ADSS2: variants seen among roughly 807,000 people sequenced by gnomAD.
ADSS2 encodes the protein adenylosuccinate synthetase isozyme 2.
In ADSS2, 30 loss-of-function variants were observed where a neutral mutation model predicts 60.0. The ratio of observed to expected loss-of-function variants is 0.50; its 90% CI spans 0.37 to 0.68. ADSS2 has a LOEUF of 0.68. Ranked by LOEUF, ADSS2 falls within the 30% of genes least tolerant of loss-of-function variation. The pLI is 0.00. For synonymous variants in ADSS2, 187 were observed against 193.1 expected (o/e 0.97, Z 0.26); for missense variants, 373 against 554.8 (o/e 0.67, Z 3.29).
chr1:244,426,210 G>T (rs1664800420), intron 4 of ADSS2, among the ~76,000 whole-genome samples: 1 of 152,052 alleles, frequency 6.6e-6, no homozygotes, highest in Admixed American at 6.6e-5. Flanking sequence ...CTTAGAGTAC[G>T]CCATTCTCAT....
chr1:244,411,137 C>A, intron 12 of ADSS2, 150 bp downstream of exon 12: 1 of 724,884 alleles, frequency 1.4e-6, no homozygotes, highest in Non-Finnish European at 2.1e-6. Flanking sequence ...AGGAGAATAG[C>A]TTGAACCCAG....
intron 3 of ADSS2, among the ~76,000 whole-genome samples, chr1:244,435,516 TTCC>T (rs1408992087): frequency 6.6e-6 from 1 of 152,120 alleles, no homozygotes; most frequent in Non-Finnish European, 1.5e-5. Context: ...TTGTTTCCTC[TTCC>T]TCCTCCTTCT....
At chr1:244,433,697 A>C (rs1001256850) in intron 3 of ADSS2, among the ~76,000 whole-genome samples, 4 of 151,990 alleles carry the variant, frequency 2.6e-5, no homozygotes, top group Non-Finnish European at 4.4e-5. Context: ...GTCTTTACTA[A>C]AAATACAAAA....
At chr1:244,416,851 G>A (rs1485777685) in intron 10 of ADSS2, among the ~76,000 whole-genome samples, 1 of 152,082 alleles carries the variant, frequency 6.6e-6, no homozygotes, top group African/African-American at 2.4e-5. Flanking sequence ...CCACATCAAG[G>A]ACCTCTTCAT....
chr1:244,441,534 G>C (rs1665248004), intron 1 of ADSS2, among the ~76,000 whole-genome samples: 1 of 151,860 alleles, frequency 6.6e-6, no homozygotes. Context: ...TTTAGAGATG[G>C]GGTCTCACTA....
At position 244,425,759 on chromosome 1, in the gene ADSS2, T is replaced by C. The variant is rs566034018; in HGVS notation, c.407-1372A>G. On this transcript the variant is annotated intron_variant, in intron 4 of 12. Transcript: ENST00000366535. ...TGATGCTGTACATACTAATTAGTTA[T>C]ATTTCAGAAGCTAAATATGTGTGAT... Among the ~76,000 whole-genome samples the C allele has an allele frequency of 2.2e-4, 33 of 152,332 alleles. No individual in the cohort carries two copies. In the East Asian group the frequency reaches 6.4e-3, roughly 29 times the overall value.
intron 1 of ADSS2, among the ~76,000 whole-genome samples, chr1:244,440,368 T>G (rs574338856): frequency 8.3e-4 from 127 of 152,132 alleles, no homozygotes; most frequent in Non-Finnish European, 1.2e-3. Context: ...AAATACCTAT[T>G]TACACGGTGT....
At chr1:244,435,168 CAAAAAAAAAAAAAAAAAAA>C (rs60576167) in intron 3 of ADSS2, among the ~76,000 whole-genome samples, 1 of 51,730 alleles carries the variant, frequency 1.9e-5, no homozygotes, top group Non-Finnish European at 3.3e-5. Flanking sequence ...ACTCCGTCTC[CAAAAAAAAAAAAAAAAAAA>C]AAAAAAAAAA....
At chr1:244,447,759 T>C (rs12021602) in intron 1 of ADSS2, among the ~76,000 whole-genome samples, 2 of 152,326 alleles carry the variant, frequency 1.3e-5, no homozygotes, top group African/African-American at 4.8e-5. Flanking sequence ...GCCTTAAATG[T>C]ATGCCACCAG....
chr1:244,408,612 T>C lies in ADSS2; in HGVS notation c.*974A>G, dbSNP rs1664337655. ...AAAGATAATCTACAAAACAATGTTATGCCTAATTGTCAAAATAACACCTTT... is the reference window on the plus strand; with the variant it reads ...AAAGATAATCTACAAAACAATGTTACGCCTAATTGTCAAAATAACACCTTT... On this transcript the variant is annotated 3_prime_UTR_variant, in exon 13 of 13. Transcript: ENST00000366535. 6.6e-6 allele frequency: 1 copy of C among 152,222 alleles called. No homozygotes were observed. Among genetic ancestry groups the C allele is most frequent in the Non-Finnish European group, 1.5e-5 (1 of 67,996 alleles). 9.4% of individuals were successfully genotyped at this position (152,222 alleles called of 1,614,324 possible). A position where few individuals can be genotyped will look rare whatever the true frequency, so the allele number is the denominator to read the frequency against.
intron 1 of ADSS2, among the ~76,000 whole-genome samples, chr1:244,445,923 G>A (rs1273361368): frequency 6.6e-6 from 1 of 152,172 alleles, no homozygotes; most frequent in African/African-American, 2.4e-5. Flanking sequence ...TTTCAGGCTA[G>A]TTAGGCCTCT....
chr1:244,443,673 T>C (rs917711102), intron 1 of ADSS2, among the ~76,000 whole-genome samples: 1 of 152,244 alleles, frequency 6.6e-6, no homozygotes, highest in African/African-American at 2.4e-5. Context: ...TCAGACATCA[T>C]CCTTGCATCT....
At chr1:244,411,092 G>A (rs1053364694) in intron 12 of ADSS2, among the ~76,000 whole-genome samples, 195 bp downstream of exon 12, 2 of 151,862 alleles carry the variant, frequency 1.3e-5, no homozygotes, top group South Asian at 2.1e-4. Context: ...GTGGTGGCGC[G>A]CACCTCTAAT....
intron 8 of ADSS2, among the ~76,000 whole-genome samples, chr1:244,419,587 G>C (rs544238778): frequency 1.3e-5 from 2 of 152,166 alleles, no homozygotes; most frequent in African/African-American, 4.8e-5. Context: ...TGAAATGTCA[G>C]TAAAAGCCAA....
chr1:244,411,462 C>T (rs1664416361), intron 11 of ADSS2, 26 bp from the exon 12 acceptor site: 5 of 1,601,494 alleles, frequency 3.1e-6, no homozygotes, highest in Non-Finnish European at 4.3e-6. Flanking sequence ...GACATTTATT[C>T]ATGGCACACA....
upstream of ADSS2, chr1:244,451,960 C>T: frequency 2.4e-6 from 2 of 834,796 alleles, no homozygotes; most frequent in Non-Finnish European, 3.5e-6. This position sits in a 1 kb window ranked among gnomAD's most constrained non-coding sequence, Gnocchi z 6.6. Context: ...GGCCGCCACC[C>T]TCCAGCCAGT....
rs577302520 is a variant in ADSS2 at position 244,429,824 on chromosome 1, G to C, written c.406+2721C>G. Among the ~76,000 whole-genome samples the C allele has an allele frequency of 2.6e-5, 4 of 152,258 alleles. No homozygotes were observed. The East Asian group carries it at 7.7e-4, about 29-fold the overall frequency. On this transcript the variant is annotated intron_variant, in intron 4 of 12. Transcript: ENST00000366535. The stretch of plus-strand genomic sequence containing the variant: ...TTGAACCCAGGAGGTGGAGGTTGTA[G>C]TGAACCAAGATCATGCCATTGCACT...
chr1:244,429,614 G>C (rs1386068734), intron 4 of ADSS2, among the ~76,000 whole-genome samples: 5 of 152,086 alleles, frequency 3.3e-5, no homozygotes, highest in Non-Finnish European at 1.5e-5. Context: ...GTTTCTGGCC[G>C]GGCCGTGGCT....
intron 11 of ADSS2, 29 bp from the exon 12 acceptor site, chr1:244,411,465 G>C: frequency 6.3e-7 from 1 of 1,593,292 alleles, no homozygotes; most frequent in Non-Finnish European, 8.5e-7. Flanking sequence ...ATTTATTCAT[G>C]GCACACACTG....
Sources: gnomAD v4.1 joint callset for allele counts (sites outside exome capture counted in the v4.1 genomes callset) on GRCh38, gnomAD v4.1.1 for gene constraint, Gnocchi (gnomAD v3.1) non-coding constraint, MANE v1.5 for transcripts, NCBI Gene and HGNC (gene_info 2026-07-23, HGNC 2026-07-21) for gene names.